The following USP7 variants were observed in gnomAD, a reference collection of about 807,000 sequenced individuals.
USP7 encodes the protein ubiquitin specific peptidase 7, also known as ubiquitin C-terminal hydrolase 7.
A neutral mutation model predicts 162.9 loss-of-function variants in USP7; 9 were observed. The observed-to-expected ratio is 0.06, with a 90% CI of 0.03 to 0.10. USP7 has a LOEUF of 0.10. Ranked by LOEUF, USP7 falls within the 10% of genes least tolerant of loss-of-function variation. USP7 has a pLI of 1.00. For synonymous variants in USP7, 562 were observed against 475.9 expected, an observed-to-expected ratio of 1.18 and a Z score of -2.35; for missense variants, 715 against 1,373.7, an observed-to-expected ratio of 0.52 and a Z score of 7.58.
At position 8,944,978 on chromosome 16, in the gene USP7, G is replaced by A. The variant is rs1172520682; in HGVS notation, c.80-14581C>T. 5.3e-5 allele frequency among the ~76,000 whole-genome samples: 8 copies of A among 152,194 alleles called. No individual in the cohort carries two copies. The South Asian group carries it at 6.2e-4, about 12-fold the overall frequency. On this transcript the variant is annotated intron_variant, in intron 1 of 30. Transcript: ENST00000344836. ...CAAAAATTAGCTGGGTGGACCGGGCGCAGTGGCTCACGCCTGTAATCCCAG... is the reference window on the plus strand; with the variant it reads ...CAAAAATTAGCTGGGTGGACCGGGCACAGTGGCTCACGCCTGTAATCCCAG...
intron 2 of USP7, among the ~76,000 whole-genome samples, chr16:8,926,294 A>G (rs892417314): frequency 3.3e-5 from 5 of 152,106 alleles, no homozygotes; most frequent in Non-Finnish European, 7.4e-5. Flanking sequence ...CCTGCCCAAC[A>G]TGGTGAAACC....
In USP7 at chr16:8,894,563, A is replaced by G. The variant is rs750643787; in HGVS notation, c.3189T>C (p.Phe1063=). 6 of 1,612,622 alleles carry G rather than the reference A, an allele frequency of 3.7e-6. No individual in the cohort carries two copies. The African/African-American group carries it at 6.7e-5, about 18-fold the overall frequency. ...EDEYEVNLKD[F]EPQPGNMSHP... is the part of the protein sequence containing the mutation. ...GAGAACCCTTACCGGGCTGTGGCTC[A>G]AAGTCTTTCAAATTTACTTCATACT... Residue 1063 remains phenylalanine (F), a synonymous_variant, in exon 30 of 31, where the codon TTT becomes TTC. Coordinates refer to ENST00000344836, the MANE Select transcript of USP7 (RefSeq NM_003470.3).
intron 20 of USP7, 22 bp from the exon 21 acceptor site, chr16:8,900,652 T>C (rs772113416): frequency 1.3e-6 from 2 of 1,561,068 alleles, no homozygotes; most frequent in South Asian, 1.1e-5. Flanking sequence ...GATATAAAAT[T>C]GTTACACTGC....
intron 1 of USP7, chr16:8,936,477 GA>G: frequency 8.3e-7 from 1 of 1,203,210 alleles, no homozygotes; most frequent in Non-Finnish European, 1.1e-6. Context: ...ACAATGTCTA[GA>G]TGTATAGCCC....
intron 2 of USP7, among the ~76,000 whole-genome samples, chr16:8,924,376 C>T (rs1276006589): frequency 6.6e-6 from 1 of 152,270 alleles, no homozygotes; most frequent in Non-Finnish European, 1.5e-5. Context: ...CGCTTCCTTT[C>T]ACTTTCTGTA....
At chr16:8,898,467 T>C (rs760574968) in intron 24 of USP7, 30 bp from the exon 25 acceptor site, 2 of 1,607,594 alleles carry the variant, frequency 1.2e-6, no homozygotes, top group East Asian at 2.2e-5. Flanking sequence ...TCACATCAGA[T>C]ACCGTCACCA....
Position 8,903,275 on chromosome 16 carries a change from T to A in USP7, c.1832A>T (p.Gln611Leu), listed in dbSNP as rs1171047002. The part of the protein sequence containing the change: ...SLAEFVQSLS[Q>L]TMGFPQDQIR... Reference sequence around the variant, plus strand: ...CACGGGACCGGTACGCACCATGGTCTGAGAGAGGCTCTGAACAAACTCAGC... The same window carrying A: ...CACGGGACCGGTACGCACCATGGTCAGAGAGAGGCTCTGAACAAACTCAGC... Residue 611 changes from glutamine (Q) to leucine (L), a missense_variant, in exon 16 of 31, where the codon CAG becomes CTG. Around this residue, in one of 11 missense-constraint regions of USP7, gnomAD observed 197 missense variants for 306.5 expected, o/e 0.64. Transcript: ENST00000344836. 2 of 1,613,734 alleles carry A rather than the reference T, an allele frequency of 1.2e-6. No homozygotes were observed. Among genetic ancestry groups the A allele is most frequent in the Non-Finnish European group, 8.5e-7 (1 of 1,179,864 alleles).
chr16:8,937,676 T>C (rs918388048), intron 1 of USP7, among the ~76,000 whole-genome samples: 1 of 152,160 alleles, frequency 6.6e-6, no homozygotes, highest in Non-Finnish European at 1.5e-5. Flanking sequence ...AGCAAGACCC[T>C]GTCTCTAAAT....
intron 1 of USP7, among the ~76,000 whole-genome samples, chr16:8,955,220 T>TA (rs1899737946): frequency 6.6e-6 from 1 of 152,256 alleles, no homozygotes; most frequent in South Asian, 2.1e-4. Flanking sequence ...GGCTCGTTTT[T>TA]TTACATATTA....
intron 5 of USP7, 30 bp from the exon 6 acceptor site, chr16:8,919,169 CT>C: frequency 6.2e-7 from 1 of 1,607,890 alleles, no homozygotes; most frequent in Non-Finnish European, 8.5e-7. Context: ...TTGAGGGGAT[CT>C]TGCAGATACC....
intron 2 of USP7, among the ~76,000 whole-genome samples, chr16:8,927,907 G>A (rs896266058): frequency 5.3e-5 from 8 of 151,792 alleles, no homozygotes; most frequent in African/African-American, 1.7e-4. Context: ...CACATTGGGA[G>A]GCCAAGGCAG....
rs35380091 is a variant in USP7, at chr16:8,935,201, ATT to A, written c.80-4806_80-4805del. ...GCCAAACACTTGAGCTAAGGCACTA[ATT>A]TTTTTTTTTTTTTTTTTGAGACAGT... On this transcript the variant is annotated intron_variant, in intron 1 of 30. Transcript: ENST00000344836. 5.6e-3 allele frequency among the ~76,000 whole-genome samples: 766 copies of A among 136,340 alleles called. 7 individuals carry two copies. The highest frequency in any genetic ancestry group is 0.019 in the African/African-American group (697 of 36,752). 89.4% of individuals were successfully genotyped at this position (136,340 alleles called of 152,430 possible).
intron 1 of USP7, among the ~76,000 whole-genome samples, chr16:8,946,045 T>G (rs1439271082): frequency 6.6e-6 from 1 of 151,832 alleles, no homozygotes; most frequent in South Asian, 2.1e-4. Context: ...TTGACAAAGG[T>G]ACAAAAGCAA....
intron 1 of USP7, among the ~76,000 whole-genome samples, chr16:8,930,766 C>T (rs897992091): frequency 3.9e-5 from 6 of 152,112 alleles, no homozygotes; most frequent in African/African-American, 7.2e-5. Context: ...GCCAGGAGTT[C>T]GAGACCAGGC....
chr16:8,913,672 T>C (rs986084009), intron 10 of USP7, among the ~76,000 whole-genome samples: 8 of 152,104 alleles, frequency 5.3e-5, no homozygotes, highest in African/African-American at 1.2e-4. Context: ...AGAATCCATA[T>C]CCAAATTAAA....
Position 8,963,902 on chromosome 16 carries a change from A to C in USP7, c.-617T>G, listed in dbSNP as rs1284628234. Among the ~76,000 whole-genome samples, 1 of 146,218 alleles carries C rather than the reference A, an allele frequency of 6.8e-6. No individual in the cohort carries two copies. Among genetic ancestry groups the C allele is most frequent in the African/African-American group, 2.5e-5 (1 of 40,704 alleles). On this transcript the variant is annotated 5_prime_UTR_variant, in exon 1 of 31. Transcript: ENST00000344836. The stretch of plus-strand genomic sequence containing the variant: ...GCTCTCAAAATGGCGGCGGCGTGAA[A>C]TGTCACATCCGCATGGGGGGCCGCG...
Position 8,904,420 on chromosome 16 carries a change from A to G in USP7, c.1704+15T>C, listed in dbSNP as rs751616912. On this transcript the variant is annotated intron_variant, in intron 15 of 30. Transcript: ENST00000344836. ...CTGCATGGTGACCCGGAGTCCCAGA[A>G]GGGCGGGGGCTGACCTGCACTTGCA... The G allele has an allele frequency of 6.2e-7, 1 of 1,611,634 alleles. No individual in the cohort carries two copies. Among genetic ancestry groups the G allele is most frequent in the Non-Finnish European group, 8.5e-7 (1 of 1,179,172 alleles).
intron 22 of USP7, 136 bp downstream of exon 22, chr16:8,899,468 C>A: frequency 1.8e-6 from 2 of 1,122,664 alleles, no homozygotes; most frequent in Admixed American, 2.5e-5. Flanking sequence ...AGCCTGAATC[C>A]ATCAGTGGGA....
intron 1 of USP7, among the ~76,000 whole-genome samples, chr16:8,934,194 T>C (rs1286028637): frequency 6.6e-6 from 1 of 152,218 alleles, no homozygotes; most frequent in Non-Finnish European, 1.5e-5. Context: ...TTTCTGTACA[T>C]AAAACTTCAT....
Sources: gnomAD v4.1 joint callset for allele counts (sites outside exome capture counted in the v4.1 genomes callset) on GRCh38, gnomAD v4.1.1 for gene constraint, gnomAD v4.1.1 regional missense constraint, MANE v1.5 for transcripts, NCBI Gene and HGNC (gene_info 2026-07-23, HGNC 2026-07-21) for gene names.